Variants in MARCHF7 observed in about 807,000 individuals in gnomAD.
MARCHF7 encodes membrane associated ring-CH-type finger 7.
Under a neutral mutation model 76.5 loss-of-function variants are expected in MARCHF7, and 20 were observed. The observed-to-expected ratio is 0.26, with a 90% CI of 0.18 to 0.38. The LOEUF (loss-of-function observed/expected upper bound fraction) is 0.38. Among genes scored for constraint, MARCHF7 ranks in the 10% least tolerant of loss-of-function variants. MARCHF7 has a pLI of 1.00. For missense variants in MARCHF7, 797 were observed against 812.9 expected, an observed-to-expected ratio of 0.98 and a Z score of 0.24; for synonymous variants, 295 against 293.0, an observed-to-expected ratio of 1.01 and a Z score of -0.07.
intron 4 of MARCHF7, among the ~76,000 whole-genome samples, chr2:159,735,370 T>C (rs1248409503): frequency 6.6e-6 from 1 of 152,218 alleles, no homozygotes; most frequent in East Asian, 1.9e-4. Flanking sequence ...AGAAATGACT[T>C]TATTAAGTTG....
chr2:159,743,227 T>C lies in MARCHF7; in HGVS notation c.320T>C (p.Val107Ala). The change falls in exon 5 of 12, where the codon GTT (valine) becomes GCT (alanine). Residue 107 changes from valine (V) to alanine (A), a missense_variant. Val to Ala is a moderately conservative substitution (Grantham distance 64). Around this residue, in one of 3 missense-constraint regions of MARCHF7, gnomAD observed 643 missense variants for 631.5 expected, o/e 1.02. Transcript: ENST00000409175. ...TNCTTSAGRN[V>A]GNGLNTLSDS... ...TGTACTACCTCAGCTGGGAGAAATG[T>C]TGGAAATGGTTTAAACACATTATCA... 1.2e-6 allele frequency: 2 copies of C among 1,613,934 alleles called. No homozygotes were observed. The highest frequency in any genetic ancestry group is 1.7e-6 in the Non-Finnish European group (2 of 1,179,930).
rs1314295241 is a variant in MARCHF7 at position 159,729,069 on chromosome 2, C to T, written c.47C>T (p.Pro16Leu). 6.2e-7 allele frequency: 1 copy of T among 1,606,984 alleles called. No individual in the cohort carries two copies. Among genetic ancestry groups the T allele is most frequent in the South Asian group, 1.1e-5 (1 of 89,510 alleles). The change falls in exon 4 of 12, where the codon CCT (proline) becomes CTT (leucine). Residue 16 changes from proline to leucine, a missense_variant. This residue lies in a region of MARCHF7 where 643 missense variants were observed against 631.5 expected (regional missense o/e 1.02). Transcript: ENST00000409175. ...ATTCCAAGAAGAATTTCTGTTCAACCTTCCAGCTCCTTAAGTGCTAGGATG... is the reference window on the plus strand; with the variant it reads ...ATTCCAAGAAGAATTTCTGTTCAACTTTCCAGCTCCTTAAGTGCTAGGATG... ...SRIPRRISVQ[P>L]SSSLSARMMS...
At chr2:159,726,551 C>T (rs78924527) in intron 3 of MARCHF7, among the ~76,000 whole-genome samples, 15,949 of 152,084 alleles carry the variant, frequency 0.1, 2,750 homozygotes, top group African/African-American at 0.36. Context: ...CATGAGCCAC[C>T]GCCCCCGGCC....
chr2:159,745,523 C>T (rs1299158574), intron 5 of MARCHF7, among the ~76,000 whole-genome samples: 1 of 152,128 alleles, frequency 6.6e-6, no homozygotes, highest in African/African-American at 2.4e-5. Flanking sequence ...GGCATGGTGG[C>T]ACGCGCCTTG....
At chr2:159,725,366 A>G (rs1168611548) in intron 3 of MARCHF7, among the ~76,000 whole-genome samples, 2 of 152,056 alleles carry the variant, frequency 1.3e-5, no homozygotes, top group Non-Finnish European at 2.9e-5. Context: ...CTTTTTAATG[A>G]TTGCCATTCT....
chr2:159,760,820 T>A (rs569801248), intron 9 of MARCHF7, among the ~76,000 whole-genome samples: 1 of 152,212 alleles, frequency 6.6e-6, no homozygotes, highest in East Asian at 1.9e-4. Context: ...ATGACCCATA[T>A]TCTTTAGAAG....
rs144267899 is a variant in MARCHF7 at position 159,723,861 on chromosome 2, A to G, written c.-14-5148A>G. 5.7e-3 allele frequency among the ~76,000 whole-genome samples: 862 copies of G among 151,672 alleles called. 8 individuals are homozygous for G. The highest frequency in any genetic ancestry group is 0.02 in the African/African-American group (816 of 41,250). On this transcript the variant is annotated intron_variant, in intron 3 of 11. Transcript: ENST00000409175. ...GTACCACCATCTCTACCACATGCCAATGAGATGTAGTTTCCATGTGATGCT... is the reference window on the plus strand; with the variant it reads ...GTACCACCATCTCTACCACATGCCAGTGAGATGTAGTTTCCATGTGATGCT...
At chr2:159,755,753 CATT>C (rs1706216682) in intron 8 of MARCHF7, among the ~76,000 whole-genome samples, 1 of 152,078 alleles carries the variant, frequency 6.6e-6, no homozygotes, top group East Asian at 1.9e-4. Flanking sequence ...AAGATCTGAT[CATT>C]ATAGCATAGT....
At chr2:159,744,377 G>A (rs1704583216) in intron 5 of MARCHF7, among the ~76,000 whole-genome samples, 1 of 152,112 alleles carries the variant, frequency 6.6e-6, no homozygotes, top group Non-Finnish European at 1.5e-5. Flanking sequence ...AACCACTCTG[G>A]GATTTGGATG....
intron 8 of MARCHF7, among the ~76,000 whole-genome samples, chr2:159,753,381 C>T (rs1705897175): frequency 6.6e-6 from 1 of 151,858 alleles, no homozygotes; most frequent in Admixed American, 6.6e-5. Context: ...ACCATCCTGG[C>T]TAACACGGTG....
At chr2:159,717,867 A>G (rs185353706) in intron 3 of MARCHF7, among the ~76,000 whole-genome samples, 2 of 152,342 alleles carry the variant, frequency 1.3e-5, no homozygotes, top group East Asian at 3.9e-4. Context: ...GCATATACTT[A>G]ATATAAGTAA....
At chr2:159,737,484 A>G (rs543020442) in intron 4 of MARCHF7, among the ~76,000 whole-genome samples, 4 of 152,232 alleles carry the variant, frequency 2.6e-5, no homozygotes, top group Non-Finnish European at 5.9e-5. Flanking sequence ...AGCATAGCCA[A>G]AATAAAAAAG....
At chr2:159,739,542 C>T (rs1030306747) in intron 4 of MARCHF7, among the ~76,000 whole-genome samples, 7 of 152,172 alleles carry the variant, frequency 4.6e-5, no homozygotes, top group Admixed American at 1.3e-4. Flanking sequence ...ATGTGGTATA[C>T]TTTGAAGACA....
At chr2:159,727,058 G>A (rs565492298) in intron 3 of MARCHF7, among the ~76,000 whole-genome samples, 5 of 152,178 alleles carry the variant, frequency 3.3e-5, no homozygotes, top group South Asian at 4.1e-4. Flanking sequence ...ACCTAAAGAC[G>A]CATTTCTTAG....
At chr2:159,753,753 A>G (rs6717315) in intron 8 of MARCHF7, among the ~76,000 whole-genome samples, 11,337 of 152,216 alleles carry the variant, frequency 0.074, 873 homozygotes, top group African/African-American at 0.19. Context: ...CCAGGAGTCT[A>G]TTATCAGAGC....
At chr2:159,760,783 G>A (rs1376572162) in intron 9 of MARCHF7, among the ~76,000 whole-genome samples, 2 of 151,184 alleles carry the variant, frequency 1.3e-5, no homozygotes, top group African/African-American at 2.4e-5. Flanking sequence ...TTGATCTCAG[G>A]AATGTTTTTA....
At position 159,767,299 on chromosome 2, in the gene MARCHF7, C is replaced by A. The variant is rs1707921292; in HGVS notation, c.2072C>A (p.Ser691Tyr). ...MEDLETSEDD[S>Y]EEDGDHNRTF... ...CTTTCAACAGCTTCAGAGGATGATT[C>A]CGAAGAAGACGGAGACCATAACAGG... is the stretch of plus-strand genomic sequence containing the variant. The change falls in exon 12 of 12, where the codon TCC (serine) becomes TAC (tyrosine). Residue 691 changes from serine (S) to tyrosine (Y), a missense_variant. Physicochemically the swap from Ser to Tyr is moderately radical, Grantham distance 144 (BLOSUM62 -2). This residue lies in a region of MARCHF7 where 124 missense variants were observed against 121.3 expected (regional missense o/e 1.02). Coordinates refer to ENST00000409175, the MANE Select transcript of MARCHF7 (RefSeq NM_001282805.2). The A allele has an allele frequency of 2.5e-6, 4 of 1,610,896 alleles. No individual in the cohort carries two copies. The highest frequency in any genetic ancestry group is 3.4e-6 in the Non-Finnish European group (4 of 1,177,958).
At chr2:159,765,911 GTTT>G (rs564969215) in intron 11 of MARCHF7, among the ~76,000 whole-genome samples, 1 of 151,938 alleles carries the variant, frequency 6.6e-6, no homozygotes, top group African/African-American at 2.4e-5. Context: ...TCTCTTCTTT[GTTT>G]TTTTAAATTA....
intron 8 of MARCHF7, among the ~76,000 whole-genome samples, chr2:159,757,524 C>T (rs1031537324): frequency 2.6e-5 from 4 of 152,290 alleles, no homozygotes; most frequent in East Asian, 1.9e-4. Flanking sequence ...TGGTGGCTCA[C>T]GCCTGTAATC....
Sources: gnomAD v4.1 joint callset for allele counts (sites outside exome capture counted in the v4.1 genomes callset) on GRCh38, gnomAD v4.1.1 for gene constraint, gnomAD v4.1.1 regional missense constraint, MANE v1.5 for transcripts, NCBI Gene and HGNC (gene_info 2026-07-23, HGNC 2026-07-21) for gene names.